Variants in FOCAD observed in about 807,000 individuals in gnomAD.
FOCAD encodes KIAA1797.
A neutral mutation model predicts 225.6 loss-of-function variants in FOCAD; 198 were observed. The ratio of observed to expected loss-of-function variants is 0.88; its 90% CI spans 0.78 to 0.99. The LOEUF is 0.99. Among genes scored for constraint, FOCAD ranks in the 50% least tolerant of loss-of-function variants. FOCAD has a pLI of 0.00. For missense variants in FOCAD, 2,713 were observed against 2,123.6 expected, an observed-to-expected ratio of 1.28 and a Z score of -5.46; for synonymous variants, 897 against 755.0, an observed-to-expected ratio of 1.19 and a Z score of -3.08.
At chr9:20,870,402 A>C (rs1343369650) in intron 18 of FOCAD, among the ~76,000 whole-genome samples, 1 of 152,222 alleles carries the variant, frequency 6.6e-6, no homozygotes, top group African/African-American at 2.4e-5. Flanking sequence ...CAGAAAGTTG[A>C]TTGAAAGGTT....
intron 18 of FOCAD, among the ~76,000 whole-genome samples, chr9:20,873,254 A>G (rs914854805): frequency 1.3e-5 from 2 of 152,118 alleles, no homozygotes; most frequent in Admixed American, 6.6e-5. Context: ...TGATGTGTAA[A>G]ATGTCAGGAA....
chr9:20,968,731 G>A (rs948221585), intron 35 of FOCAD, among the ~76,000 whole-genome samples: 7 of 151,764 alleles, frequency 4.6e-5, no homozygotes, highest in African/African-American at 1.5e-4. Flanking sequence ...GAGCCACCTC[G>A]CCCGGCCTGT....
At chr9:20,738,958 T>A (rs2131650114) in intron 4 of FOCAD, among the ~76,000 whole-genome samples, 1 of 152,322 alleles carries the variant, frequency 6.6e-6, no homozygotes, top group South Asian at 2.1e-4. Flanking sequence ...GTCTTTTAAA[T>A]CTAGCATGTA....
At chr9:20,881,069 G>C (rs113850425) in intron 19 of FOCAD, among the ~76,000 whole-genome samples, 1,713 of 152,278 alleles carry the variant, frequency 0.011, 18 homozygotes, top group South Asian at 0.029. Context: ...CACAAGCAAA[G>C]ATAGTGGACA....
chr9:20,943,673 G>T (rs986598395), intron 28 of FOCAD, among the ~76,000 whole-genome samples: 23 of 152,140 alleles, frequency 1.5e-4, no homozygotes, highest in African/African-American at 5.3e-4. Flanking sequence ...GACCTAACAT[G>T]TGGGCATTGA....
intron 4 of FOCAD, among the ~76,000 whole-genome samples, chr9:20,733,045 A>G (rs1437142270): frequency 1.3e-5 from 2 of 152,110 alleles, no homozygotes; most frequent in East Asian, 1.9e-4. Context: ...ACATTATACT[A>G]TGAATAAGTT....
chr9:20,982,738 A>G (rs1840812317), intron 39 of FOCAD, among the ~76,000 whole-genome samples: 1 of 152,226 alleles, frequency 6.6e-6, no homozygotes, highest in Non-Finnish European at 1.5e-5. Flanking sequence ...TGGTTGATTG[A>G]AAAGCAAGCA....
At chr9:20,820,502 C>T in intron 13 of FOCAD, 77 bp downstream of exon 13, 5 of 1,294,012 alleles carry the variant, frequency 3.9e-6, no homozygotes, top group South Asian at 2.5e-5. Flanking sequence ...TCATATATGG[C>T]AATGCTTTGG....
At chr9:20,986,595 C>A in intron 40 of FOCAD, 130 bp downstream of exon 40, 1 of 680,052 alleles carries the variant, frequency 1.5e-6, no homozygotes, top group Non-Finnish European at 2.3e-6. Context: ...CTTCTGGTGC[C>A]AAATGAGGAG....
At position 20,976,316 on chromosome 9, in the gene FOCAD, T is replaced by C. The variant is rs536510078; in HGVS notation, c.4133-104T>C. The C allele has an allele frequency of 1.4e-5, 15 of 1,070,688 alleles. No homozygotes were observed. In the African/African-American group the frequency reaches 1.6e-4, roughly 11 times the overall value. The allele number at this position is 1,070,688 out of a possible 1,614,324, so 66.3% of individuals were successfully genotyped here. ...GCGTTGATCGCAATTGAATATGTGA[T>C]ATCAGATCCTTTGATGCTAGAAGGA... is the stretch of plus-strand genomic sequence containing the variant. On this transcript the variant is annotated intron_variant, in intron 35 of 43. Transcript: ENST00000338382.
chr9:20,754,062 C>G (rs578042574), intron 5 of FOCAD, among the ~76,000 whole-genome samples: 1 of 152,146 alleles, frequency 6.6e-6, no homozygotes, highest in East Asian at 1.9e-4. Context: ...GTAATGCTTC[C>G]AATTTAAAGT....
At chr9:20,734,093 G>T (rs894947267) in intron 4 of FOCAD, among the ~76,000 whole-genome samples, 3 of 152,166 alleles carry the variant, frequency 2.0e-5, no homozygotes, top group African/African-American at 7.2e-5. Context: ...AATAAAAGTT[G>T]TGCAAACAGT....
intron 6 of FOCAD, 55 bp downstream of exon 6, chr9:20,758,246 A>G: frequency 7.9e-7 from 1 of 1,264,406 alleles, no homozygotes; most frequent in Non-Finnish European, 1.1e-6. Flanking sequence ...GGTATATGCT[A>G]ATTTTAGAGC....
At chr9:20,939,940 C>T (rs1836474268) in intron 28 of FOCAD, among the ~76,000 whole-genome samples, 1 of 147,472 alleles carries the variant, frequency 6.8e-6, no homozygotes, top group African/African-American at 2.5e-5. Context: ...GTGTGATGTT[C>T]CCCACCCTGT....
At chr9:20,776,457 A>T (rs932678838) in intron 8 of FOCAD, among the ~76,000 whole-genome samples, 1 of 152,248 alleles carries the variant, frequency 6.6e-6, no homozygotes, top group African/African-American at 2.4e-5. Context: ...GGTGTCCATT[A>T]AAAATCAATC....
In FOCAD at chr9:20,871,161, G is replaced by A. The variant is rs573083310; in HGVS notation, c.2191-3520G>A. Reference sequence around the variant, plus strand: ...GGAGGTTGCAGTGAGCTGAGAGCATGCCACTACACTCCAGCCCAGGCAACA... The same window carrying A: ...GGAGGTTGCAGTGAGCTGAGAGCATACCACTACACTCCAGCCCAGGCAACA... On this transcript the variant is annotated intron_variant, in intron 18 of 43. Transcript: ENST00000338382. Among the ~76,000 whole-genome samples the A allele has an allele frequency of 1.1e-4, 16 of 151,878 alleles. 1 individual carries two copies. The South Asian group carries it at 3.3e-3, about 32-fold the overall frequency.
chr9:20,888,367 G>C (rs749250950), intron 21 of FOCAD, among the ~76,000 whole-genome samples: 8 of 151,902 alleles, frequency 5.3e-5, no homozygotes, highest in Non-Finnish European at 1.0e-4. Flanking sequence ...TCAAACTCCT[G>C]ACCTCATGAT....
chr9:20,993,646 C>T (rs959197585), intron 43 of FOCAD, among the ~76,000 whole-genome samples: 12 of 151,986 alleles, frequency 7.9e-5, no homozygotes, highest in Non-Finnish European at 1.6e-4. Context: ...GTGTTAAGTA[C>T]TTATGTGTGG....
In FOCAD at chr9:20,855,632, G is replaced by T. The variant is rs143547149; in HGVS notation, c.1921-6946G>T. Among the ~76,000 whole-genome samples, 349 of 151,436 alleles carry T rather than the reference G, an allele frequency of 2.3e-3. 9 individuals are homozygous for T. In the East Asian group the frequency reaches 0.044, roughly 19 times the overall value. ...TTCAATTATAGTCTCTTAGTTATTT[G>T]AAAATATAAAATAAATTATTGTTAA... On this transcript the variant is annotated intron_variant, in intron 15 of 43. Coordinates refer to ENST00000338382, the MANE Select transcript of FOCAD (RefSeq NM_001375567.1).
Sources: gnomAD v4.1 joint callset for allele counts (sites outside exome capture counted in the v4.1 genomes callset) on GRCh38, gnomAD v4.1.1 for gene constraint, MANE v1.5 for transcripts, NCBI Gene and HGNC (gene_info 2026-07-23, HGNC 2026-07-21) for gene names.